The following NOL4 variants were observed in gnomAD, a reference collection of about 807,000 sequenced individuals.
The protein encoded by NOL4 is nucleolar protein 4.
In NOL4, 17 loss-of-function variants were observed where a neutral mutation model predicts 75.9. The ratio of observed to expected loss-of-function variants is 0.22; its 90% CI spans 0.15 to 0.34. The LOEUF (loss-of-function observed/expected upper bound fraction) is 0.34. Among genes scored for constraint, NOL4 ranks in the 10% least tolerant of loss-of-function variants. The probability of loss-of-function intolerance (pLI) is 1.00; values close to 1 mark genes in which losing one functional copy is unlikely to be tolerated. For missense variants in NOL4, 614 were observed against 793.5 expected, an observed-to-expected ratio of 0.77 and a Z score of 2.72; for synonymous variants, 292 against 289.9, an observed-to-expected ratio of 1.01 and a Z score of -0.07.
chr18:34,111,083 G>T (rs74343849), intron 2 of NOL4, among the ~76,000 whole-genome samples: 4 of 152,086 alleles, frequency 2.6e-5, no homozygotes, highest in Non-Finnish European at 5.9e-5. Flanking sequence ...ATGGTATTTG[G>T]AAACTGGATA....
chr18:34,148,978 T>G (rs1290695389), intron 1 of NOL4, among the ~76,000 whole-genome samples: 1 of 151,730 alleles, frequency 6.6e-6, no homozygotes, highest in Admixed American at 6.6e-5. Context: ...AGAAATGAAT[T>G]ATTTAATATA....
At chr18:34,159,324 G>A (rs2031049767) in intron 1 of NOL4, among the ~76,000 whole-genome samples, 2 of 152,140 alleles carry the variant, frequency 1.3e-5, no homozygotes, top group South Asian at 4.1e-4. Context: ...GAGGAGGAAG[G>A]CCAAGGCTTT....
At chr18:34,138,869 G>A (rs1249459959) in intron 1 of NOL4, among the ~76,000 whole-genome samples, 1 of 152,098 alleles carries the variant, frequency 6.6e-6, no homozygotes, top group Non-Finnish European at 1.5e-5. Flanking sequence ...CTAATTTATT[G>A]AGAGTTTTTA....
intron 1 of NOL4, among the ~76,000 whole-genome samples, chr18:34,189,986 C>A (rs1330786366): frequency 1.3e-5 from 2 of 148,640 alleles, no homozygotes; most frequent in African/African-American, 4.9e-5. Flanking sequence ...TAGATATATG[C>A]ATATATATAT....
intron 10 of NOL4, among the ~76,000 whole-genome samples, chr18:33,855,868 C>T (rs1281033152): frequency 1.4e-5 from 2 of 144,292 alleles, no homozygotes; most frequent in Admixed American, 6.9e-5. Context: ...CAGTTGAATA[C>T]TTCTCCCGTT....
intron 2 of NOL4, among the ~76,000 whole-genome samples, chr18:34,112,736 G>A (rs767491638): frequency 1.3e-5 from 2 of 152,048 alleles, no homozygotes; most frequent in South Asian, 2.1e-4. Context: ...TGGTCAAAGG[G>A]TACAAAGTTT....
At position 33,980,633 on chromosome 18, in the gene NOL4, T is replaced by C. The variant is rs115189752; in HGVS notation, c.1057-22215A>G. 8.3e-3 allele frequency among the ~76,000 whole-genome samples: 1,266 copies of C among 151,770 alleles called. 21 individuals are homozygous for C. Among genetic ancestry groups the C allele is most frequent in the African/African-American group, 0.029 (1,220 of 41,430 alleles). On this transcript the variant is annotated intron_variant, in intron 6 of 10. Transcript: ENST00000261592. ...ATAAAAGAGAAAAACTGAGAAGCAT[T>C]TGTGAAAGTCACAGTCTAGTGTCCA...
At chr18:33,884,691 A>T (rs1395052848) in intron 9 of NOL4, among the ~76,000 whole-genome samples, 1 of 151,954 alleles carries the variant, frequency 6.6e-6, no homozygotes, top group Non-Finnish European at 1.5e-5. Context: ...TTTTTGTCAC[A>T]ATCAGAAGTA....
At chr18:33,886,838 T>G (rs1030568669) in intron 9 of NOL4, among the ~76,000 whole-genome samples, 6 of 141,496 alleles carry the variant, frequency 4.2e-5, no homozygotes, top group East Asian at 2.0e-4. Flanking sequence ...TATATATCTA[T>G]ATATCTAGAT....
chr18:33,999,969 T>C (rs1280115535), intron 6 of NOL4, among the ~76,000 whole-genome samples: 1 of 152,092 alleles, frequency 6.6e-6, no homozygotes, highest in Non-Finnish European at 1.5e-5. Context: ...TTTTAATTGA[T>C]AATTTTTCCT....
At chr18:33,985,826 C>T (rs536003623) in intron 6 of NOL4, among the ~76,000 whole-genome samples, 31 of 152,212 alleles carry the variant, frequency 2.0e-4, no homozygotes, top group African/African-American at 7.5e-4. Context: ...ATGCAAAGTT[C>T]TGACTTCCTT....
At chr18:34,177,989 T>G (rs1462111679) in intron 1 of NOL4, among the ~76,000 whole-genome samples, 1 of 151,832 alleles carries the variant, frequency 6.6e-6, no homozygotes, top group African/African-American at 2.4e-5. Context: ...ATGATGTATT[T>G]TTTGTTTGTA....
chr18:34,188,463 A>C (rs571410657), intron 1 of NOL4, among the ~76,000 whole-genome samples: 1 of 152,242 alleles, frequency 6.6e-6, no homozygotes, highest in African/African-American at 2.4e-5. Context: ...AGCAGACAAT[A>C]CAGTATTTAA....
intron 9 of NOL4, among the ~76,000 whole-genome samples, chr18:33,898,256 C>G (rs2065538142): frequency 6.6e-6 from 1 of 152,092 alleles, no homozygotes; most frequent in African/African-American, 2.4e-5. Context: ...CCTTTTGACA[C>G]AACATTCTCT....
At chr18:34,133,489 T>C (rs1340451680) in intron 1 of NOL4, among the ~76,000 whole-genome samples, 1 of 151,782 alleles carries the variant, frequency 6.6e-6, no homozygotes, top group Non-Finnish European at 1.5e-5. Context: ...TATAATGTAA[T>C]GTAATATATT....
intron 9 of NOL4, among the ~76,000 whole-genome samples, chr18:33,898,080 A>AT (rs1037021945): frequency 5.3e-5 from 8 of 151,846 alleles, no homozygotes; most frequent in African/African-American, 1.9e-4. Context: ...GACAATATAT[A>AT]TTTTTTAATT....
chr18:33,971,244 A>AT (rs2071033536), intron 6 of NOL4, among the ~76,000 whole-genome samples: 1 of 152,236 alleles, frequency 6.6e-6, no homozygotes, highest in African/African-American at 2.4e-5. Context: ...CCTGTGTGGC[A>AT]TAATGCAGTT....
At chr18:34,141,748 A>G (rs1161524421) in intron 1 of NOL4, among the ~76,000 whole-genome samples, 3 of 152,200 alleles carry the variant, frequency 2.0e-5, no homozygotes, top group African/African-American at 7.2e-5. Context: ...AAACCTAGGC[A>G]ATACCATTCA....
chr18:34,036,482 A>G (rs550501364), intron 5 of NOL4, among the ~76,000 whole-genome samples: 11 of 152,342 alleles, frequency 7.2e-5, no homozygotes, highest in Admixed American at 3.3e-4. Context: ...GCTGTATACA[A>G]CAAACCCTCA....
Sources: gnomAD v4.1 joint callset for allele counts (sites outside exome capture counted in the v4.1 genomes callset) on GRCh38, gnomAD v4.1.1 for gene constraint, MANE v1.5 for transcripts, NCBI Gene and HGNC (gene_info 2026-07-23, HGNC 2026-07-21) for gene names.